The following SMIM35 variants were observed in gnomAD, a reference collection of about 807,000 sequenced individuals.
SMIM35 encodes small integral membrane protein 35, also known as TMPRSS4 antisense RNA 1 (non-protein coding).
intron 1 of SMIM35, among the ~76,000 whole-genome samples, chr11:118,017,993 T>G (rs1003581469): frequency 6.6e-6 from 1 of 152,050 alleles, no homozygotes; most frequent in Non-Finnish European, 1.5e-5. Context: ...GAACTACAAT[T>G]CAAGATGAGA....
chr11:118,060,812 G>T (rs919566219), intron 1 of SMIM35, among the ~76,000 whole-genome samples: 1 of 152,186 alleles, frequency 6.6e-6, no homozygotes, highest in Non-Finnish European at 1.5e-5. Flanking sequence ...GCCAGACATG[G>T]GTACTCCCAT....
intron 1 of SMIM35, among the ~76,000 whole-genome samples, chr11:118,074,603 C>T (rs1388715668): frequency 6.6e-6 from 1 of 152,034 alleles, no homozygotes; most frequent in African/African-American, 2.4e-5. Context: ...AAAAATAAGC[C>T]AGGCATAGTG....
chr11:118,021,607 A>G (rs11216696), intron 1 of SMIM35, among the ~76,000 whole-genome samples: 14,589 of 152,216 alleles, frequency 0.096, 974 homozygotes, highest in East Asian at 0.37. Context: ...ATAAAGATAT[A>G]CCATATAAAA....
chr11:118,042,748 T>C (rs896897483), intron 1 of SMIM35, among the ~76,000 whole-genome samples: 1 of 152,152 alleles, frequency 6.6e-6, no homozygotes, highest in Non-Finnish European at 1.5e-5. Context: ...GAATAAAGAA[T>C]CCTCAACAAA....
intron 1 of SMIM35, among the ~76,000 whole-genome samples, chr11:118,082,364 C>T (rs1945200811): frequency 6.6e-6 from 1 of 152,014 alleles, no homozygotes; most frequent in South Asian, 2.1e-4. Flanking sequence ...AGTTCAAGAC[C>T]AGCCTGGCCA....
At chr11:118,031,413 C>A (rs1171145184) in intron 1 of SMIM35, among the ~76,000 whole-genome samples, 1 of 152,150 alleles carries the variant, frequency 6.6e-6, no homozygotes, top group African/African-American at 2.4e-5. Context: ...GAATTTGAAT[C>A]ATCTTTCTGT....
At chr11:118,026,600 G>C (rs547393061) in intron 1 of SMIM35, among the ~76,000 whole-genome samples, 10 of 152,206 alleles carry the variant, frequency 6.6e-5, no homozygotes, top group African/African-American at 2.2e-4. Context: ...TGGGACATCA[G>C]ATGGGCACAT....
intron 1 of SMIM35, among the ~76,000 whole-genome samples, chr11:118,038,144 G>A (rs189366971): frequency 2.0e-5 from 3 of 152,298 alleles, no homozygotes; most frequent in African/African-American, 4.8e-5. Flanking sequence ...GTGAAAAGTC[G>A]TGTGTCAGAA....
At chr11:118,023,933 G>A (rs1480788091) in intron 1 of SMIM35, among the ~76,000 whole-genome samples, 1 of 151,852 alleles carries the variant, frequency 6.6e-6, no homozygotes, top group Non-Finnish European at 1.5e-5. Flanking sequence ...AACTCGGGAG[G>A]CTGAGGAAGG....
intron 1 of SMIM35, among the ~76,000 whole-genome samples, chr11:118,045,453 T>A (rs1281958477): frequency 1.3e-5 from 2 of 152,048 alleles, no homozygotes; most frequent in South Asian, 4.2e-4. Flanking sequence ...ATAGGGTTTA[T>A]GAAGAACCAG....
At chr11:118,014,777 T>A (rs999351897) in intron 2 of SMIM35, 36 bp from the exon 3 acceptor site, 1 of 398,766 alleles carries the variant, frequency 2.5e-6, no homozygotes, top group African/African-American at 2.1e-5. Flanking sequence ...GGTTAGCACC[T>A]CCAGGGGAAG....
chr11:118,060,647 G>A (rs1282404489), intron 1 of SMIM35, among the ~76,000 whole-genome samples: 2 of 152,164 alleles, frequency 1.3e-5, no homozygotes, highest in Middle Eastern at 3.4e-3. Context: ...CGGGGGTCTG[G>A]GAGAGCAACT....
chr11:118,027,619 C>G (rs887100818), intron 1 of SMIM35, among the ~76,000 whole-genome samples: 3 of 152,202 alleles, frequency 2.0e-5, no homozygotes, highest in African/African-American at 7.2e-5. Flanking sequence ...TTAGAGCAGG[C>G]TATGTGGAGC....
At chr11:118,079,648 G>A (rs927175673) in intron 1 of SMIM35, among the ~76,000 whole-genome samples, 13 of 152,196 alleles carry the variant, frequency 8.5e-5, no homozygotes, top group African/African-American at 2.9e-4. Context: ...ACCCCCTGAC[G>A]CTTCCGGCTG....
At chr11:118,075,445 C>T (rs973082925) in intron 1 of SMIM35, among the ~76,000 whole-genome samples, 3 of 152,346 alleles carry the variant, frequency 2.0e-5, no homozygotes, top group African/African-American at 7.2e-5. Flanking sequence ...TGGGGTCCTC[C>T]ATGGGCCATA....
intron 1 of SMIM35, among the ~76,000 whole-genome samples, chr11:118,033,954 C>A (rs1013574980): frequency 2.0e-5 from 3 of 152,148 alleles, no homozygotes; most frequent in Non-Finnish European, 4.4e-5. Flanking sequence ...AGTACCCTAA[C>A]GCCTGGAATT....
At chr11:118,077,871 G>C (rs1487688429) in intron 1 of SMIM35, among the ~76,000 whole-genome samples, 1 of 152,076 alleles carries the variant, frequency 6.6e-6, no homozygotes, top group African/African-American at 2.4e-5. Context: ...AAATTAGCCA[G>C]GCGTGGTGGC....
chr11:118,012,896 T>C (rs1474109960), intron 4 of SMIM35, among the ~76,000 whole-genome samples: 1 of 152,200 alleles, frequency 6.6e-6, no homozygotes. Context: ...TAACTGGAGA[T>C]ACTACATAAA....
intron 1 of SMIM35, among the ~76,000 whole-genome samples, chr11:118,040,729 A>T (rs1486228864): frequency 2.6e-5 from 4 of 152,162 alleles, no homozygotes; most frequent in Non-Finnish European, 4.4e-5. Flanking sequence ...TTAAAAAGCA[A>T]TCATACAAAA....
Sources: allele counts gnomAD v4.1 joint callset (sites outside exome capture counted in the v4.1 genomes callset), GRCh38; gene constraint gnomAD v4.1.1; transcripts MANE v1.5; gene names NCBI Gene and HGNC (gene_info 2026-07-23, HGNC 2026-07-21).